The following RMI1 variants were observed in gnomAD, a reference collection of about 807,000 sequenced individuals.
The protein encoded by RMI1 is recQ-mediated genome instability protein 1.
A neutral mutation model predicts 46.7 loss-of-function variants in RMI1; 36 were observed. The observed-to-expected ratio is 0.77, with a 90% CI of 0.59 to 1.02. RMI1 has a LOEUF of 1.02. Ranked by LOEUF, RMI1 falls within the 50% of genes least tolerant of loss-of-function variation. RMI1 has a pLI of 0.00. For missense variants in RMI1, 676 were observed against 713.7 expected (o/e 0.95, Z 0.60); for synonymous variants, 250 against 252.9 (o/e 0.99, Z 0.11).
Position 84,001,347 on chromosome 9 carries a change from C to T in RMI1, c.361C>T (p.Gln121Ter), listed in dbSNP as rs1564085362. The change falls in exon 3 of 3, where the codon CAA becomes TAA. Residue 121 changes from glutamine to a stop codon, truncating the protein, a stop_gained. Transcript: ENST00000445877. LOFTEE classifies it high-confidence loss of function. ...AAATGATCTAGTTACAGCTGAAGCA[C>T]AAGTAACCCCAAAACCTTGGGAAGC... ...TTNDLVTAEA[Q>*]VTPKPWEAKP... 2 of 1,614,112 alleles carry T rather than the reference C, an allele frequency of 1.2e-6. No homozygotes were observed. The highest frequency in any genetic ancestry group is 1.7e-6 in the Non-Finnish European group (2 of 1,179,998).
At chr9:83,982,797 AT>A (rs1232840802) in intron 1 of RMI1, among the ~76,000 whole-genome samples, 4 of 151,664 alleles carry the variant, frequency 2.6e-5, no homozygotes, top group African/African-American at 9.7e-5. Flanking sequence ...TTTTCCCCCC[AT>A]TTGATTTCTT....
chr9:83,990,040 G>A (rs911276355), intron 1 of RMI1, among the ~76,000 whole-genome samples: 1 of 152,186 alleles, frequency 6.6e-6, no homozygotes, highest in African/African-American at 2.4e-5. Context: ...CCAGCAACAT[G>A]GATGTAACTG....
Position 84,002,825 on chromosome 9 carries a change from G to A in RMI1, c.1839G>A (p.Met613Ile). 2 of 1,577,316 alleles carry A rather than the reference G, an allele frequency of 1.3e-6. No individual in the cohort carries two copies. Among genetic ancestry groups the A allele is most frequent in the Non-Finnish European group, 8.7e-7 (1 of 1,154,142 alleles). Residue 613 changes from methionine to isoleucine, a missense_variant, in exon 3 of 3, where the codon ATG becomes ATA. Physicochemically the swap from Met to Ile is conservative, Grantham distance 10. Transcript: ENST00000445877. ...TACTGGCATTACAAGATGTTAATAT[G>A]GAACACCTTGAGAATCTAAAGAAGC... ...AMVLALQDVN[M>I]EHLENLKKRL...
chr9:83,987,586 C>T (rs1340425095), intron 1 of RMI1, among the ~76,000 whole-genome samples: 3 of 152,134 alleles, frequency 2.0e-5, no homozygotes, highest in South Asian at 4.1e-4. Flanking sequence ...TAACCACCAA[C>T]CACCACCATC....
chr9:84,002,421 A>G lies in RMI1; in HGVS notation c.1435A>G (p.Asn479Asp), dbSNP rs1444703671. The G allele has an allele frequency of 8.1e-6, 13 of 1,613,746 alleles. No individual in the cohort carries two copies. Among genetic ancestry groups the G allele is most frequent in the Non-Finnish European group, 9.3e-6 (11 of 1,179,802 alleles). Residue 479 changes from asparagine (N) to aspartate (D), a missense_variant, in exon 3 of 3, where the codon AAT becomes GAT. Transcript: ENST00000445877. ...CSLRSSENSI[N>D]LSIAMDLYSP... is the part of the protein sequence containing the mutation. ...TTTAAGATCATCAGAGAATAGCATT[A>G]ATCTTTCTATTGCCATGGATTTGTA...
At chr9:83,983,571 T>C (rs1347792112) in intron 1 of RMI1, among the ~76,000 whole-genome samples, 1 of 152,176 alleles carries the variant, frequency 6.6e-6, no homozygotes, top group Non-Finnish European at 1.5e-5. Context: ...ATGACACACG[T>C]AAGGTCCAAA....
At chr9:84,000,458 A>G (rs942711737) in intron 2 of RMI1, among the ~76,000 whole-genome samples, 4 of 152,152 alleles carry the variant, frequency 2.6e-5, no homozygotes, top group Admixed American at 2.0e-4. Context: ...CTGGTTGGTC[A>G]TCGGATTTAA....
intron 1 of RMI1, among the ~76,000 whole-genome samples, chr9:83,981,650 T>A (rs1957400148): frequency 6.6e-6 from 1 of 152,128 alleles, no homozygotes; most frequent in African/African-American, 2.4e-5. Context: ...CCGCCCACAA[T>A]CCCAAACTCA....
At chr9:83,993,783 T>TATA (rs1957609058) in intron 1 of RMI1, among the ~76,000 whole-genome samples, 1 of 151,726 alleles carries the variant, frequency 6.6e-6, no homozygotes, top group Non-Finnish European at 1.5e-5. Flanking sequence ...TATATCTTTT[T>TATA]ATTATTATTA....
intron 1 of RMI1, among the ~76,000 whole-genome samples, chr9:83,994,436 A>G (rs1359194611): frequency 7.2e-5 from 11 of 152,280 alleles, no homozygotes; most frequent in Non-Finnish European, 1.5e-5. Context: ...TTCAGGTGCT[A>G]CCTTTAGACC....
At chr9:84,000,838 A>T (rs1033786384) in intron 2 of RMI1, 113 bp from the exon 3 acceptor site, 10 of 590,546 alleles carry the variant, frequency 1.7e-5, no homozygotes, top group South Asian at 2.4e-5. Flanking sequence ...ACCATGTAAG[A>T]TGCTGAAGAG....
chr9:83,995,449 CAAG>C (rs1957636468), intron 1 of RMI1, among the ~76,000 whole-genome samples: 1 of 135,942 alleles, frequency 7.4e-6, no homozygotes, highest in Admixed American at 8.1e-5. Context: ...TTAATTGAGA[CAAG>C]AGTCTCACTC....
At chr9:83,991,786 A>G (rs750315686) in intron 1 of RMI1, among the ~76,000 whole-genome samples, 17 of 152,202 alleles carry the variant, frequency 1.1e-4, no homozygotes, top group South Asian at 6.2e-4. Context: ...TGGAAAATCA[A>G]TTGATCATAT....
chr9:83,993,587 A>T (rs990751703), intron 1 of RMI1, among the ~76,000 whole-genome samples: 2 of 152,118 alleles, frequency 1.3e-5, no homozygotes, highest in Admixed American at 6.5e-5. Context: ...TCACCATTTT[A>T]TAATAATATT....
chr9:83,997,039 C>T lies in RMI1; in HGVS notation c.-125-2670C>T, dbSNP rs543288264. 4.1e-5 allele frequency among the ~76,000 whole-genome samples: 6 copies of T among 146,470 alleles called. No individual in the cohort carries two copies. In the East Asian group the frequency reaches 1.2e-3, roughly 29 times the overall value. Reference sequence around the variant, plus strand: ...GTGGTTTTAAAGATAGAGGTGGATTCCCCCCCCCTTTTTTTTTTGGCAGGG... The same window carrying T: ...GTGGTTTTAAAGATAGAGGTGGATTTCCCCCCCCTTTTTTTTTTGGCAGGG... On this transcript the variant is annotated intron_variant, in intron 1 of 2. Transcript: ENST00000445877.
intron 1 of RMI1, among the ~76,000 whole-genome samples, chr9:83,990,077 C>G (rs1350494282): frequency 6.6e-6 from 1 of 152,102 alleles, no homozygotes; most frequent in Non-Finnish European, 1.5e-5. Context: ...GTGAAATAAG[C>G]CAAGCACGGA....
Position 83,982,718 on chromosome 9 carries a change from G to A in RMI1, c.-126+1827G>A, listed in dbSNP as rs186443853. On this transcript the variant is annotated intron_variant, in intron 1 of 2. Coordinates refer to ENST00000445877, the MANE Select transcript of RMI1 (RefSeq NM_001358291.2). ...AAAACCTCTTCCTCCCAGTTTCATT[G>A]TCCAGACTGGACCCCGACTGGTGTA... 9.2e-5 allele frequency among the ~76,000 whole-genome samples: 14 copies of A among 151,460 alleles called. No individual in the cohort carries two copies. The East Asian group carries it at 2.5e-3, about 27-fold the overall frequency.
chr9:83,984,763 A>G (rs1425851143), intron 1 of RMI1, among the ~76,000 whole-genome samples: 2 of 151,794 alleles, frequency 1.3e-5, no homozygotes, highest in African/African-American at 2.4e-5. Flanking sequence ...GGGCTTCTCC[A>G]TGTTGGTCAG....
intron 1 of RMI1, among the ~76,000 whole-genome samples, chr9:83,990,084 C>T (rs7875242): frequency 0.44 from 66,155 of 152,012 alleles, 15,259 homozygotes; most frequent in East Asian, 0.6. Flanking sequence ...AAGCCAAGCA[C>T]GGACATGTTG....
Sources: gnomAD v4.1 joint callset for allele counts (sites outside exome capture counted in the v4.1 genomes callset) on GRCh38, gnomAD v4.1.1 for gene constraint, MANE v1.5 for transcripts, NCBI Gene and HGNC (gene_info 2026-07-23, HGNC 2026-07-21) for gene names.